C8orf58: variants seen among roughly 807,000 people sequenced by gnomAD.
The protein encoded by C8orf58 is uncharacterized protein C8orf58.
A neutral mutation model predicts 36.8 loss-of-function variants in C8orf58; 31 were observed. The observed-to-expected ratio is 0.84, with a 90% CI of 0.63 to 1.14. The LOEUF is 1.14. C8orf58 is among the 50% of genes most tolerant of loss of function. C8orf58 has a pLI of 0.00. For missense variants in C8orf58, 538 were observed against 480.8 expected, an observed-to-expected ratio of 1.12 and a Z score of -1.11; for synonymous variants, 230 against 200.2, an observed-to-expected ratio of 1.15 and a Z score of -1.26.
intron 6 of C8orf58, 69 bp downstream of exon 6, chr8:22,602,712 C>A: frequency 3.8e-6 from 4 of 1,039,856 alleles, no homozygotes; most frequent in South Asian, 3.1e-5. Context: ...CTGAGATTGT[C>A]ATGCCAGTTG....
chr8:22,600,010 T>G, intron 1 of C8orf58: 1 of 331,010 alleles, frequency 3.0e-6, no homozygotes, highest in Non-Finnish European at 5.5e-6. Context: ...CCGGCTCCGC[T>G]TCCCTCGCCT....
chr8:22,603,477 C>T lies in C8orf58; in HGVS notation c.*171C>T, dbSNP rs1800938530. On this transcript the variant is annotated 3_prime_UTR_variant, in exon 7 of 7. Transcript: ENST00000289989. Reference sequence around the variant, plus strand: ...CTCCTCTAAGCAGTCTGGTCAGGAACCTTGGTTTCTTGAGAGGCCCCCAAG... The same window carrying T: ...CTCCTCTAAGCAGTCTGGTCAGGAATCTTGGTTTCTTGAGAGGCCCCCAAG... 68 of 669,766 alleles carry T rather than the reference C, an allele frequency of 1.0e-4. 1 individual carries two copies. The highest frequency in any genetic ancestry group is 1.0e-3 in the South Asian group (66 of 65,186). 41.5% of individuals were successfully genotyped at this position (669,766 alleles called of 1,614,324 possible).
Position 22,603,322 on chromosome 8 carries a change from C to G in C8orf58, c.*16C>G, listed in dbSNP as rs1187167196. The G allele has an allele frequency of 3.8e-6, 6 of 1,560,668 alleles. No individual in the cohort carries two copies. In the African/African-American group the frequency reaches 8.1e-5, roughly 21 times the overall value. On this transcript the variant is annotated 3_prime_UTR_variant, in exon 7 of 7. Coordinates refer to ENST00000289989, the MANE Select transcript of C8orf58 (RefSeq NM_001013842.3). ...TGTAGGCTGAGACCTCTCGGTGCAC[C>G]TGGTGACCCTGGGTGGAGGGGACTT...
rs1034357267 is a variant in C8orf58, at chr8:22,601,646, T to C, written c.517-66T>C. The C allele has an allele frequency of 5.9e-6, 9 of 1,517,022 alleles. No homozygotes were observed. In the African/African-American group the frequency reaches 1.3e-4, roughly 21 times the overall value. The allele number at this position is 1,517,022 out of a possible 1,614,324, so 94.0% of individuals were successfully genotyped here. A position where few individuals can be genotyped will look rare whatever the true frequency, so the allele number is the denominator to read the frequency against. On this transcript the variant is annotated intron_variant, in intron 2 of 6. Transcript: ENST00000289989. The stretch of plus-strand genomic sequence containing the variant: ...TCCCATCTGCTGGCTGAGCCCAGCC[T>C]GGCTGCTTAGGGTAGGGCAGGAGCC...
intron 1 of C8orf58, chr8:22,600,441 C>T (rs751181024): frequency 7.1e-5 from 12 of 170,010 alleles, no homozygotes; most frequent in Non-Finnish European, 1.1e-4. Context: ...GCAGGGGCCC[C>T]CAGAGAGCAG....
rs1227571528 is a variant in C8orf58, at chr8:22,603,292, C to A, written c.1084C>A (p.Leu362Ile). 1 of 1,613,418 alleles carries A rather than the reference C, an allele frequency of 6.2e-7. No homozygotes were observed. The highest frequency in any genetic ancestry group is 1.3e-5 in the African/African-American group (1 of 74,924). ...LVVKKQRAKN[L>I]SVG ...GGTTAAGAAGCAACGAGCAAAAAAC[C>A]TTTCTGTAGGCTGAGACCTCTCGGT... The change falls in exon 7 of 7, where the codon CTT becomes ATT. Residue 362 changes from leucine to isoleucine, a missense_variant. Transcript: ENST00000289989.
chr8:22,603,002 G>A, intron 6 of C8orf58, 193 bp from the exon 7 acceptor site: 2 of 605,184 alleles, frequency 3.3e-6, no homozygotes, highest in East Asian at 2.7e-5. Flanking sequence ...TTTCACAGTG[G>A]GTGAAGGCCA....
intron 5 of C8orf58, 95 bp downstream of exon 5, chr8:22,602,407 G>T: frequency 7.6e-7 from 1 of 1,309,724 alleles, no homozygotes; most frequent in Non-Finnish European, 1.1e-6. Flanking sequence ...GCAACTCTGG[G>T]GAAATGACAG....
intron 6 of C8orf58, 169 bp from the exon 7 acceptor site, chr8:22,603,026 C>G: frequency 1.6e-6 from 1 of 614,112 alleles, no homozygotes; most frequent in African/African-American, 1.8e-5. Context: ...TGCTTCGGGG[C>G]TTGTATTGAA....
Position 22,601,205 on chromosome 8 carries a change from C to A in C8orf58, c.364C>A (p.Arg122Ser). Residue 122 changes from arginine to serine, a missense_variant, in exon 2 of 7, where the codon CGC becomes AGC. Arg to Ser is a moderately radical substitution (Grantham distance 110). Transcript: ENST00000289989. ...QKLGEVLERS[R>S]RLPTAPTSLS... ...GCTGGGGGAGGTGTTGGAGCGGTCC[C>A]GCCGGCTCCCAACAGCTCCCACCAG... 6.2e-7 allele frequency: 1 copy of A among 1,609,094 alleles called. No homozygotes were observed. The highest frequency in any genetic ancestry group is 2.2e-5 in the East Asian group (1 of 44,704).
Position 22,600,871 on chromosome 8 carries a change from T to A in C8orf58, c.41-11T>A. ...GTGGCCTGCCCAGCCTGACGCTGAC[T>A]CTCCATGCAGATGGGGCTGGCGAGG... is the stretch of plus-strand genomic sequence containing the variant. On this transcript the variant is annotated splice_polypyrimidine_tract_variant and intron_variant, in intron 1 of 6. Coordinates refer to ENST00000289989, the MANE Select transcript of C8orf58 (RefSeq NM_001013842.3). The A allele has an allele frequency of 6.3e-7, 1 of 1,588,894 alleles. No homozygotes were observed. The highest frequency in any genetic ancestry group is 8.6e-7 in the Non-Finnish European group (1 of 1,168,512).
chr8:22,600,856 C>A (rs759692286), intron 1 of C8orf58, 26 bp from the exon 2 acceptor site: 5 of 1,560,734 alleles, frequency 3.2e-6, no homozygotes, highest in East Asian at 2.3e-5. Flanking sequence ...GTGGCCTGCC[C>A]AGCCTGACGC....
rs748374199 is a variant in C8orf58 at position 22,603,415 on chromosome 8, G to A, written c.*109G>A. On this transcript the variant is annotated 3_prime_UTR_variant, in exon 7 of 7. Transcript: ENST00000289989. ...CACATTGCCAGGAAAAGCTGCTGAC[G>A]CCTGCCCTCCTCTCTTGAGTCGAGG... 20 of 789,552 alleles carry A rather than the reference G, an allele frequency of 2.5e-5. No homozygotes were observed. The highest frequency in any genetic ancestry group is 1.2e-4 in the Admixed American group (6 of 51,488). The allele number at this position is 789,552 out of a possible 1,614,324, so 48.9% of individuals were successfully genotyped here. A position where few individuals can be genotyped will look rare whatever the true frequency, so the allele number is the denominator to read the frequency against.
At chr8:22,602,959 G>A in intron 6 of C8orf58, 1 of 592,670 alleles carries the variant, frequency 1.7e-6, no homozygotes, top group Non-Finnish European at 3.0e-6. Context: ...CACCTTCCAG[G>A]TTCGTGGGGA....
At position 22,601,090 on chromosome 8, in the gene C8orf58, A is replaced by G; in HGVS notation, c.249A>G (p.Leu83=). Residue 83 remains leucine, a synonymous_variant, in exon 2 of 7, where the codon TTA becomes TTG. Transcript: ENST00000289989. ...TTGGGGACAGCCCCCTGGCCGCCTTACCGGGCCTTTCTCAGGACTCCCTGG... is the reference window on the plus strand; with the variant it reads ...TTGGGGACAGCCCCCTGGCCGCCTTGCCGGGCCTTTCTCAGGACTCCCTGG... ...MAVGDSPLAA[L]PGLSQDSLDF... 6.2e-7 allele frequency: 1 copy of G among 1,612,588 alleles called. No individual in the cohort carries two copies.
chr8:22,602,156 T>TG, intron 4 of C8orf58, 44 bp from the exon 5 acceptor site: 2 of 1,560,772 alleles, frequency 1.3e-6, no homozygotes, highest in Non-Finnish European at 1.7e-6. Context: ...CGAAGCTTGA[T>TG]GGGGTGTCTT....
chr8:22,601,567 C>CGCTG, intron 2 of C8orf58, 145 bp from the exon 3 acceptor site: 1 of 1,115,144 alleles, frequency 9.0e-7, no homozygotes, highest in Non-Finnish European at 1.3e-6. Context: ...CACTATGCCC[C>CGCTG]GCTGGGCAGT....
rs1418436756 is a variant in C8orf58 at position 22,599,681 on chromosome 8, G to A, written c.-40G>A. ...CGCGGGGACTCGGGCCGGGATCCTC[G>A]GGCGGCTGCATTGGCCGGGGCCGGG... On this transcript the variant is annotated 5_prime_UTR_variant, in exon 1 of 7. Coordinates refer to ENST00000289989, the MANE Select transcript of C8orf58 (RefSeq NM_001013842.3). 1.2e-5 allele frequency: 14 copies of A among 1,153,488 alleles called. No homozygotes were observed. The highest frequency in any genetic ancestry group is 1.5e-5 in the Non-Finnish European group (14 of 924,266). 71.5% of individuals were successfully genotyped at this position (1,153,488 alleles called of 1,614,324 possible).
chr8:22,603,121 C>G, intron 6 of C8orf58, 74 bp from the exon 7 acceptor site: 3 of 1,150,474 alleles, frequency 2.6e-6, no homozygotes, highest in Non-Finnish European at 3.9e-6. Context: ...AGATAAACCA[C>G]GTTCTCTCAA....
Sources: allele counts gnomAD v4.1 joint callset, GRCh38; gene constraint gnomAD v4.1.1; transcripts MANE v1.5; gene names NCBI Gene and HGNC (gene_info 2026-07-23, HGNC 2026-07-21).